The following LHFPL3 variants were observed in gnomAD, a reference collection of about 807,000 sequenced individuals.
The protein encoded by LHFPL3 is LHFPL tetraspan subfamily member 3 protein.
A neutral mutation model predicts 19.3 loss-of-function variants in LHFPL3; 5 were observed. That is an observed-to-expected ratio of 0.26 (90% CI 0.14 to 0.54). The LOEUF is 0.54. Ranked by LOEUF, LHFPL3 falls within the 20% of genes least tolerant of loss-of-function variation. The probability of loss-of-function intolerance (pLI) is 0.94; values close to 1 mark genes in which losing one functional copy is unlikely to be tolerated. For synonymous variants in LHFPL3, 133 were observed against 126.2 expected (o/e 1.05, Z -0.36); for missense variants, 249 against 307.4 (o/e 0.81, Z 1.42).
chr7:104,860,765 C>T (rs972642403), intron 2 of LHFPL3, among the ~76,000 whole-genome samples: 2 of 152,218 alleles, frequency 1.3e-5, no homozygotes, highest in African/African-American at 4.8e-5. Flanking sequence ...GCCTGTCTCT[C>T]TTCTGACATC....
At chr7:104,594,101 C>T (rs772343393) in intron 1 of LHFPL3, among the ~76,000 whole-genome samples, 4 of 151,992 alleles carry the variant, frequency 2.6e-5, no homozygotes, top group African/African-American at 9.7e-5. Flanking sequence ...GTTATTTTGC[C>T]CATTAATTGA....
intron 2 of LHFPL3, among the ~76,000 whole-genome samples, chr7:104,807,598 G>C (rs1790387950): frequency 6.6e-6 from 1 of 152,188 alleles, no homozygotes; most frequent in African/African-American, 2.4e-5. Context: ...TTAGCCCAAT[G>C]CCTGTACCAT....
At chr7:104,582,429 C>G (rs943708864) in intron 1 of LHFPL3, among the ~76,000 whole-genome samples, 1 of 152,060 alleles carries the variant, frequency 6.6e-6, no homozygotes, top group Non-Finnish European at 1.5e-5. Flanking sequence ...AGTTTTCCCC[C>G]TTCTTTTCAA....
rs1480275546 is a variant in LHFPL3, at chr7:104,787,699, C to T, written c.682+50788C>T. Among the ~76,000 whole-genome samples the T allele has an allele frequency of 3.3e-5, 5 of 152,234 alleles. No individual in the cohort carries two copies. In the South Asian group the frequency reaches 8.3e-4, roughly 25 times the overall value. On this transcript the variant is annotated intron_variant, in intron 2 of 2. Coordinates refer to ENST00000424859, the MANE Select transcript of LHFPL3 (RefSeq NM_199000.3). Reference sequence around the variant, plus strand: ...CTGAGTAGCTGGGAGTACAGGTGCACGCCACCATACCTGGCTATTTTTGTG... The same window carrying T: ...CTGAGTAGCTGGGAGTACAGGTGCATGCCACCATACCTGGCTATTTTTGTG...
At chr7:104,869,408 A>G (rs1036309035) in intron 2 of LHFPL3, among the ~76,000 whole-genome samples, 2 of 152,142 alleles carry the variant, frequency 1.3e-5, no homozygotes, top group Non-Finnish European at 1.5e-5. Context: ...AAAACAAACA[A>G]CCCCATCAAA....
At chr7:104,710,202 C>G (rs1309176410) in intron 1 of LHFPL3, among the ~76,000 whole-genome samples, 1 of 152,220 alleles carries the variant, frequency 6.6e-6, no homozygotes, top group Non-Finnish European at 1.5e-5. Context: ...CATGCCAATA[C>G]TTTGAAATAA....
At chr7:104,462,231 A>G (rs1245759181) in intron 1 of LHFPL3, among the ~76,000 whole-genome samples, 1 of 152,046 alleles carries the variant, frequency 6.6e-6, no homozygotes, top group East Asian at 1.9e-4. Flanking sequence ...GATGCCCTTT[A>G]TTTCTTTTTC....
rs529849088 is a variant in LHFPL3, at chr7:104,503,577, C to T, written c.445+174353C>T. On this transcript the variant is annotated intron_variant, in intron 1 of 2. Transcript: ENST00000424859. ...TTTTTTATTTTAATTTTAATATTTTCTTTTTCTTTTGAGACTGGGTCTCAC... is the reference window on the plus strand; with the variant it reads ...TTTTTTATTTTAATTTTAATATTTTTTTTTTCTTTTGAGACTGGGTCTCAC... Among the ~76,000 whole-genome samples, 4 of 151,912 alleles carry T rather than the reference C, an allele frequency of 2.6e-5. No individual in the cohort carries two copies. The East Asian group carries it at 7.7e-4, about 29-fold the overall frequency.
At chr7:104,335,703 C>G (rs1330259186) in intron 1 of LHFPL3, among the ~76,000 whole-genome samples, 1 of 151,878 alleles carries the variant, frequency 6.6e-6, no homozygotes, top group Non-Finnish European at 1.5e-5. Flanking sequence ...AAAGTCTAAC[C>G]AGAATGTGGT....
At chr7:104,735,827 A>G (rs1793804822) in intron 1 of LHFPL3, among the ~76,000 whole-genome samples, 1 of 152,146 alleles carries the variant, frequency 6.6e-6, no homozygotes, top group East Asian at 1.9e-4. Context: ...AGCTGTTCCT[A>G]TTCAGCCATT....
chr7:104,717,503 CAT>C (rs1793410362), intron 1 of LHFPL3, among the ~76,000 whole-genome samples: 1 of 152,022 alleles, frequency 6.6e-6, no homozygotes, highest in Non-Finnish European at 1.5e-5. Context: ...AAGACTTGAA[CAT>C]ATGTTTCTCA....
chr7:104,542,389 G>T (rs1794502174), intron 1 of LHFPL3, among the ~76,000 whole-genome samples: 3 of 152,244 alleles, frequency 2.0e-5, no homozygotes, highest in East Asian at 1.9e-4. Context: ...TCATCCTTCA[G>T]GGATGGGCCA....
chr7:104,861,845 T>C (rs1330631696), intron 2 of LHFPL3, among the ~76,000 whole-genome samples: 1 of 152,088 alleles, frequency 6.6e-6, no homozygotes, highest in African/African-American at 2.4e-5. Flanking sequence ...AAGCTTTGGA[T>C]TGGCAGAGAC....
chr7:104,346,058 T>TA (rs1484455017), intron 1 of LHFPL3, among the ~76,000 whole-genome samples: 4 of 150,966 alleles, frequency 2.6e-5, no homozygotes, highest in Non-Finnish European at 5.9e-5. Context: ...TTTTTTTTCT[T>TA]AGAGTCTCTC....
chr7:104,484,662 A>G (rs928099413), intron 1 of LHFPL3, among the ~76,000 whole-genome samples: 1 of 152,220 alleles, frequency 6.6e-6, no homozygotes, highest in Non-Finnish European at 1.5e-5. Flanking sequence ...TGTAAAGAAC[A>G]GAGATTTATT....
At chr7:104,809,813 C>T (rs943800631) in intron 2 of LHFPL3, among the ~76,000 whole-genome samples, 22 of 152,134 alleles carry the variant, frequency 1.4e-4, no homozygotes, top group Non-Finnish European at 3.1e-4. Context: ...GTTAATGAAT[C>T]GTTTTTGAGC....
At chr7:104,683,263 T>C (rs1172407905) in intron 1 of LHFPL3, among the ~76,000 whole-genome samples, 1 of 152,250 alleles carries the variant, frequency 6.6e-6, no homozygotes, top group Non-Finnish European at 1.5e-5. Context: ...GTGCTGGGAA[T>C]ACAGGCGTGA....
At chr7:104,435,238 G>A (rs965202062) in intron 1 of LHFPL3, among the ~76,000 whole-genome samples, 2 of 151,954 alleles carry the variant, frequency 1.3e-5, no homozygotes, top group East Asian at 3.9e-4. Context: ...AAACTCCCGG[G>A]CCCAAGGGAT....
intron 1 of LHFPL3, among the ~76,000 whole-genome samples, chr7:104,511,017 A>C (rs895138502): frequency 3.9e-5 from 6 of 152,172 alleles, no homozygotes; most frequent in Middle Eastern, 3.2e-3. Flanking sequence ...GTTTATCTTT[A>C]TAACAAACCT....
Sources: gnomAD v4.1 joint callset for allele counts (sites outside exome capture counted in the v4.1 genomes callset) on GRCh38, gnomAD v4.1.1 for gene constraint, MANE v1.5 for transcripts, NCBI Gene and HGNC (gene_info 2026-07-23, HGNC 2026-07-21) for gene names.